The following DDX60 variants were observed in gnomAD, a reference collection of about 807,000 sequenced individuals.
The protein encoded by DDX60 is DExD/H-box helicase 60.
A neutral mutation model predicts 212.8 loss-of-function variants in DDX60; 165 were observed. The observed-to-expected ratio is 0.78, with a 90% CI of 0.68 to 0.88. The LOEUF (loss-of-function observed/expected upper bound fraction) is 0.88. Among genes scored for constraint, DDX60 ranks in the 40% least tolerant of loss-of-function variants. The pLI is 0.00. For synonymous variants in DDX60, 703 were observed against 685.3 expected (o/e 1.03, Z -0.40); for missense variants, 1,905 against 2,003.9 (o/e 0.95, Z 0.94).
intron 23 of DDX60, 75 bp from the exon 24 acceptor site, chr4:168,262,203 A>T: frequency 2.0e-6 from 3 of 1,472,802 alleles, no homozygotes; most frequent in Middle Eastern, 4.5e-4. Context: ...TATATGCCTC[A>T]TTAACAGCCT....
rs1734029412 is a variant in DDX60, at chr4:168,246,520, A to C, written c.4062T>G (p.Asn1354Lys). 3 of 1,614,106 alleles carry C rather than the reference A, an allele frequency of 1.9e-6. No homozygotes were observed. Among genetic ancestry groups the C allele is most frequent in the Non-Finnish European group, 2.5e-6 (3 of 1,179,988 alleles). The stretch of plus-strand genomic sequence containing the variant: ...GGAAGTGTCCTCTCAGCTCAGGAAC[A>C]TTGGATTTTATGAGTTTTCCTATTT... ...FPKIGKLIKS[N>K]VPELRGHFPL... Residue 1354 changes from asparagine to lysine, a missense_variant, in exon 30 of 38, where the codon AAT becomes AAG. Transcript: ENST00000393743.
intron 6 of DDX60, among the ~76,000 whole-genome samples, chr4:168,301,964 T>C (rs766755140): frequency 6.6e-6 from 1 of 152,126 alleles, no homozygotes; most frequent in African/African-American, 2.4e-5. Flanking sequence ...GTCAAGGTCA[T>C]GAAAGACAAG....
rs1481841759 is a variant in DDX60 at position 168,308,047 on chromosome 4, G to T, written c.223C>A (p.Leu75Ile). ...GTGAATTGTCCTCCTTTGCTAATAA[G>T]ATCCACAAGATAGCGTTCAACCAGA... ...FYLVERYLVD[L>I]ISKGGQFTIV... The change falls in exon 4 of 38, where the codon CTT becomes ATT. Residue 75 changes from leucine (L) to isoleucine (I), a missense_variant. By Grantham distance (5) the Leu-to-Ile change is conservative. Transcript: ENST00000393743. 1 of 1,606,406 alleles carries T rather than the reference G, an allele frequency of 6.2e-7. No homozygotes were observed. The highest frequency in any genetic ancestry group is 8.5e-7 in the Non-Finnish European group (1 of 1,178,566).
chr4:168,323,402 G>C (rs1016559509), upstream of DDX60, among the ~76,000 whole-genome samples: 1 of 152,154 alleles, frequency 6.6e-6, no homozygotes, highest in African/African-American at 2.4e-5. Flanking sequence ...CATGCATGTA[G>C]CAGTGGTGAC....
Position 168,284,862 on chromosome 4 carries a change from G to A in DDX60, c.1519C>T (p.Pro507Ser). 1 of 1,596,664 alleles carries A rather than the reference G, an allele frequency of 6.3e-7. No individual in the cohort carries two copies. The highest frequency in any genetic ancestry group is 8.6e-7 in the Non-Finnish European group (1 of 1,169,110). The change falls in exon 12 of 38, where the codon CCC (proline) becomes TCC (serine). Residue 507 changes from proline to serine, a missense_variant. Physicochemically the swap from Pro to Ser is moderately conservative, Grantham distance 74. Transcript: ENST00000393743. ...GACCTGTCATAATCATCACTCAGGG[G>A]TTTATGAGAATGCCAGTGCACAAGT... ...DELVHWHSHK[P>S]LSDDYDRSRC...
intron 35 of DDX60, among the ~76,000 whole-genome samples, chr4:168,222,371 G>T (rs900194859): frequency 7.9e-5 from 12 of 152,052 alleles, no homozygotes; most frequent in African/African-American, 2.9e-4. Context: ...GTTTTCCCAT[G>T]TCTGCTCATT....
chr4:168,303,098 C>A (rs188217366), intron 5 of DDX60, among the ~76,000 whole-genome samples: 4 of 151,686 alleles, frequency 2.6e-5, no homozygotes, highest in Admixed American at 2.0e-4. Context: ...GTCAGGAGAT[C>A]GAGACCATCC....
chr4:168,220,702 A>G lies in DDX60; in HGVS notation c.4992T>C (p.Asp1664=), dbSNP rs74479574. ...CAAAATCCTTCAACAAATAATAAGC[A>G]TCTCCTTCATTCATCCTAAAGAAAA... is the stretch of plus-strand genomic sequence containing the variant. ...LVQDNRMNEG[D]AYYLLKDFAL... Residue 1664 remains aspartate (D), a synonymous_variant, in exon 37 of 38, where the codon GAT becomes GAC. Transcript: ENST00000393743. 2.1e-3 allele frequency: 3,021 copies of G among 1,439,144 alleles called. 40 individuals are homozygous for G. The African/African-American group carries it at 0.03, about 14-fold the overall frequency. The allele number at this position is 1,439,144 out of a possible 1,614,324, so 89.1% of individuals were successfully genotyped here.
chr4:168,224,481 T>G (rs1451943069), intron 34 of DDX60, 96 bp from the exon 35 acceptor site: 2 of 1,204,096 alleles, frequency 1.7e-6, no homozygotes, highest in Admixed American at 4.3e-5. Flanking sequence ...AGGGGAGCCA[T>G]TCAGCTTCAT....
intron 5 of DDX60, among the ~76,000 whole-genome samples, chr4:168,305,663 A>T (rs914413001): frequency 6.7e-6 from 1 of 149,596 alleles, no homozygotes; most frequent in African/African-American, 2.4e-5. Context: ...TATTTTATAC[A>T]TATAGTAATT....
intron 14 of DDX60, among the ~76,000 whole-genome samples, chr4:168,280,083 A>T (rs532646285): frequency 6.6e-6 from 1 of 152,280 alleles, no homozygotes; most frequent in Admixed American, 6.5e-5. Flanking sequence ...AAACTTTATC[A>T]TAGGTATGTA....
intron 6 of DDX60, among the ~76,000 whole-genome samples, chr4:168,299,152 T>A (rs1280230644): frequency 2.4e-4 from 21 of 86,140 alleles, no homozygotes; most frequent in African/African-American, 1.2e-3. Flanking sequence ...AGAGCGAGAC[T>A]GTCTCAAAAA....
At position 168,306,542 on chromosome 4, in the gene DDX60, T is replaced by TCAGA; in HGVS notation, c.442_443insTCTG (p.Glu148ValfsTer2). The stretch of plus-strand genomic sequence containing the variant: ...CTGTGTTTGTAGATCGTTCAGGCCT[T>TCAGA]CGTCTGCAACTATCAGGAAATATGG... On this transcript the variant is annotated stop_gained and frameshift_variant, in exon 5 of 38. Transcript: ENST00000393743. LOFTEE classifies it high-confidence loss of function. The TCAGA allele has an allele frequency of 1.2e-6, 2 of 1,614,190 alleles. No homozygotes were observed. The highest frequency in any genetic ancestry group is 2.2e-5 in the South Asian group (2 of 91,086).
chr4:168,267,205 A>G (rs1734884616), intron 22 of DDX60, among the ~76,000 whole-genome samples: 1 of 152,168 alleles, frequency 6.6e-6, no homozygotes, highest in Non-Finnish European at 1.5e-5. Context: ...TTTTCTATGT[A>G]CTAGGGATTG....
Position 168,287,167 on chromosome 4 carries a change from T to A in DDX60, c.1220A>T (p.Asp407Val), listed in dbSNP as rs1735897345. ...TACGGTATTCCAGAGATATTCATAA[T>A]CTTTCATAATGGTATCTCCCAAATT... is the stretch of plus-strand genomic sequence containing the variant. ...HLNLGDTIMK[D>V]YEYLWNTVSK... is the part of the protein sequence containing the mutation. The change falls in exon 10 of 38, where the codon GAT (aspartate) becomes GTT (valine). Residue 407 changes from aspartate (D) to valine (V), a missense_variant. By Grantham distance (152) the Asp-to-Val change is radical (BLOSUM62 -3). Transcript: ENST00000393743. 2 of 1,610,036 alleles carry A rather than the reference T, an allele frequency of 1.2e-6. No individual in the cohort carries two copies. The highest frequency in any genetic ancestry group is 1.7e-5 in the Admixed American group (1 of 58,966).
In DDX60 at chr4:168,236,431, T is replaced by C. The variant is rs1472066599; in HGVS notation, c.4412-58A>G. On this transcript the variant is annotated intron_variant, in intron 32 of 37. Coordinates refer to ENST00000393743, the MANE Select transcript of DDX60 (RefSeq NM_017631.6). ...GAAAGGGTATAATTCTATTTTTTCA[T>C]GTTTAAATGGAATGTCATATTACAT... 26 of 1,428,306 alleles carry C rather than the reference T, an allele frequency of 1.8e-5. No homozygotes were observed. In the South Asian group the frequency reaches 3.2e-4, roughly 18 times the overall value. The allele number at this position is 1,428,306 out of a possible 1,614,324, so 88.5% of individuals were successfully genotyped here. A position where few individuals can be genotyped will look rare whatever the true frequency, so the allele number is the denominator to read the frequency against.
At chr4:168,319,308 A>G (rs566171643), upstream of DDX60, among the ~76,000 whole-genome samples, 16 of 152,362 alleles carry the variant, frequency 1.1e-4, no homozygotes, top group African/African-American at 3.6e-4. Flanking sequence ...AATTTGTAAC[A>G]TCTAAACAAG....
At chr4:168,224,536 A>G (rs1240892471) in intron 34 of DDX60, 151 bp from the exon 35 acceptor site, 1 of 693,856 alleles carries the variant, frequency 1.4e-6, no homozygotes, top group African/African-American at 1.8e-5. Flanking sequence ...GCATAAGGTT[A>G]GTAGCACAGC....
rs923708210 is a variant in DDX60 at position 168,258,539 on chromosome 4, C to T, written c.3398+2326G>A. Among the ~76,000 whole-genome samples, 18 of 152,082 alleles carry T rather than the reference C, an allele frequency of 1.2e-4. 1 individual carries two copies. The highest frequency in any genetic ancestry group is 6.6e-4 in the Admixed American group (10 of 15,260). On this transcript the variant is annotated intron_variant, in intron 25 of 37. Coordinates refer to ENST00000393743, the MANE Select transcript of DDX60 (RefSeq NM_017631.6). ...TGAGCCCAGAAAAATCCTCAGATCTCTTGATGATCTGGGATCAAATTGTGT... is the reference window on the plus strand; with the variant it reads ...TGAGCCCAGAAAAATCCTCAGATCTTTTGATGATCTGGGATCAAATTGTGT...
Sources: allele counts gnomAD v4.1 joint callset (sites outside exome capture counted in the v4.1 genomes callset), GRCh38; gene constraint gnomAD v4.1.1; transcripts MANE v1.5; gene names NCBI Gene and HGNC (gene_info 2026-07-23, HGNC 2026-07-21).